Variants in ZNF385B observed in about 807,000 individuals in gnomAD.
ZNF385B encodes the protein zinc finger protein 385B.
A neutral mutation model predicts 39.2 loss-of-function variants in ZNF385B; 23 were observed. That is an observed-to-expected ratio of 0.59 (90% CI 0.42 to 0.83). The LOEUF (loss-of-function observed/expected upper bound fraction) is 0.83. ZNF385B is among the 40% of genes least tolerant of loss of function. The pLI is 0.00. For synonymous variants in ZNF385B, 205 were observed against 222.6 expected, an observed-to-expected ratio of 0.92 and a Z score of 0.70; for missense variants, 552 against 598.9, an observed-to-expected ratio of 0.92 and a Z score of 0.82.
At chr2:179,643,820 A>G (rs757094501) in intron 3 of ZNF385B, among the ~76,000 whole-genome samples, 32 of 152,084 alleles carry the variant, frequency 2.1e-4, no homozygotes, top group Non-Finnish European at 4.0e-4. Context: ...CTCTCTCTAT[A>G]TATATGTATC....
At chr2:179,850,632 AG>A (rs1253772737) in intron 1 of ZNF385B, among the ~76,000 whole-genome samples, 1 of 152,192 alleles carries the variant, frequency 6.6e-6, no homozygotes, top group Non-Finnish European at 1.5e-5. Context: ...CTCTTGCTAA[AG>A]GGGGTTAAGA....
chr2:179,694,937 A>G (rs1286607399), intron 3 of ZNF385B, among the ~76,000 whole-genome samples: 1 of 145,946 alleles, frequency 6.9e-6, no homozygotes, highest in Non-Finnish European at 1.5e-5. Flanking sequence ...CTCAAAAAAG[A>G]AAAAAGAAAA....
At chr2:179,706,333 C>T (rs1204987676) in intron 3 of ZNF385B, among the ~76,000 whole-genome samples, 4 of 152,184 alleles carry the variant, frequency 2.6e-5, no homozygotes, top group African/African-American at 4.8e-5. Flanking sequence ...AGCTCACTGC[C>T]ACTGGAGTCC....
chr2:179,676,954 C>T (rs969275675), intron 3 of ZNF385B, among the ~76,000 whole-genome samples: 3 of 152,106 alleles, frequency 2.0e-5, no homozygotes, highest in Admixed American at 6.6e-5. Flanking sequence ...AGTATAACCC[C>T]AGGATTTATT....
intron 3 of ZNF385B, chr2:179,562,487 T>C: frequency 1.0e-6 from 1 of 985,376 alleles, no homozygotes; most frequent in Non-Finnish European, 1.2e-6. Flanking sequence ...TTCCATCATC[T>C]CAACCTGGTG....
At chr2:179,761,278 A>G (rs1432472037) in intron 3 of ZNF385B, among the ~76,000 whole-genome samples, 1 of 152,194 alleles carries the variant, frequency 6.6e-6, no homozygotes, top group African/African-American at 2.4e-5. Flanking sequence ...TGTCTACAAA[A>G]AGAACTTGCT....
At chr2:179,449,297 T>C (rs550969574) in intron 6 of ZNF385B, among the ~76,000 whole-genome samples, 1 of 152,116 alleles carries the variant, frequency 6.6e-6, no homozygotes, top group African/African-American at 2.4e-5. Context: ...ATTTTTAAGG[T>C]TTCGAAGGTC....
intron 4 of ZNF385B, among the ~76,000 whole-genome samples, chr2:179,531,949 C>T (rs1270713695): frequency 6.6e-6 from 1 of 152,172 alleles, no homozygotes; most frequent in Non-Finnish European, 1.5e-5. Flanking sequence ...TAGTGGAAAA[C>T]ATTTTTGGTT....
At chr2:179,768,118 T>C (rs1325123661) in intron 3 of ZNF385B, among the ~76,000 whole-genome samples, 2 of 151,552 alleles carry the variant, frequency 1.3e-5, no homozygotes, top group African/African-American at 4.8e-5. Context: ...CCTGACTAAA[T>C]TTTGTAATTT....
chr2:179,663,068 T>C (rs1694686194), intron 3 of ZNF385B, among the ~76,000 whole-genome samples: 1 of 152,230 alleles, frequency 6.6e-6, no homozygotes, highest in African/African-American at 2.4e-5. Flanking sequence ...TTAGTTGTTT[T>C]TGCCTAAGGC....
intron 3 of ZNF385B, among the ~76,000 whole-genome samples, chr2:179,550,274 A>G (rs765184219): frequency 2.0e-5 from 3 of 149,528 alleles, no homozygotes; most frequent in Non-Finnish European, 3.0e-5. Context: ...CTAAGCCCAC[A>G]ATGGTGGCTC....
intron 3 of ZNF385B, among the ~76,000 whole-genome samples, chr2:179,696,068 T>C (rs188345352): frequency 2.0e-5 from 3 of 152,228 alleles, no homozygotes; most frequent in East Asian, 3.9e-4. Flanking sequence ...GGAAAATCTA[T>C]AGAGACAGAA....
intron 1 of ZNF385B, among the ~76,000 whole-genome samples, chr2:179,855,566 T>C (rs1684526340): frequency 6.6e-6 from 1 of 152,174 alleles, no homozygotes; most frequent in African/African-American, 2.4e-5. Context: ...AAAAGGGCAA[T>C]TGTTTTGTAT....
chr2:179,751,758 C>T (rs62180369), intron 3 of ZNF385B, among the ~76,000 whole-genome samples: 1 of 152,076 alleles, frequency 6.6e-6, no homozygotes, highest in East Asian at 1.9e-4. Flanking sequence ...CAACTGACAA[C>T]CCATTTTCCA....
At chr2:179,559,623 T>C (rs2061190834) in intron 3 of ZNF385B, among the ~76,000 whole-genome samples, 1 of 151,244 alleles carries the variant, frequency 6.6e-6, no homozygotes, top group Admixed American at 6.6e-5. Flanking sequence ...AAATTTTTAC[T>C]TTACAACTTG....
chr2:179,476,729 T>A (rs755393943), intron 6 of ZNF385B, among the ~76,000 whole-genome samples: 1 of 152,148 alleles, frequency 6.6e-6, no homozygotes, highest in African/African-American at 2.4e-5. Flanking sequence ...ATGGAGGCAG[T>A]TCTATTTTTT....
At chr2:179,623,530 A>G (rs116105621) in intron 3 of ZNF385B, among the ~76,000 whole-genome samples, 1,760 of 152,244 alleles carry the variant, frequency 0.012, 46 homozygotes, top group African/African-American at 0.04. Context: ...AGGCAGGAAC[A>G]GGGAAGATGC....
At position 179,662,273 on chromosome 2, in the gene ZNF385B, T is replaced by C. The variant is rs978702753; in HGVS notation, c.298+107230A>G. ...AGAAGAAATTGCTAATCCTTCTGAA[T>C]AGAAATATCAAAAAGATAAGTGGCT... On this transcript the variant is annotated intron_variant, in intron 3 of 9. Transcript: ENST00000410066. Among the ~76,000 whole-genome samples the C allele has an allele frequency of 3.9e-5, 6 of 151,900 alleles. No homozygotes were observed. In the South Asian group the frequency reaches 8.3e-4, roughly 21 times the overall value.
At chr2:179,710,203 G>A (rs910866902) in intron 3 of ZNF385B, among the ~76,000 whole-genome samples, 20 of 152,056 alleles carry the variant, frequency 1.3e-4, no homozygotes, top group Admixed American at 9.2e-4. Context: ...TCACCCCAGC[G>A]CTTACACTCT....
Sources: gnomAD v4.1 joint callset for allele counts (sites outside exome capture counted in the v4.1 genomes callset) on GRCh38, gnomAD v4.1.1 for gene constraint, MANE v1.5 for transcripts, NCBI Gene and HGNC (gene_info 2026-07-23, HGNC 2026-07-21) for gene names.